PRKAR1B: variants seen among roughly 807,000 people sequenced by gnomAD.
The protein encoded by PRKAR1B is cAMP-dependent protein kinase type I-beta regulatory subunit.
Under a neutral mutation model 46.5 loss-of-function variants are expected in PRKAR1B, and 22 were observed. That is an observed-to-expected ratio of 0.47 (90% CI 0.34 to 0.68). The LOEUF is 0.68. Among genes scored for constraint, PRKAR1B ranks in the 30% least tolerant of loss-of-function variants. The pLI, the probability that PRKAR1B is intolerant of heterozygous loss-of-function variation, is 0.01. For synonymous variants in PRKAR1B, 259 were observed against 217.7 expected (o/e 1.19, Z -1.67); for missense variants, 445 against 535.6 (o/e 0.83, Z 1.67).
chr7:616,477 G>C (rs1782830160), intron 4 of PRKAR1B, among the ~76,000 whole-genome samples: 1 of 152,256 alleles, frequency 6.6e-6, no homozygotes, highest in Admixed American at 6.5e-5. Context: ...ATGGAGCCCA[G>C]GGTCTCTCCG....
intron 2 of PRKAR1B, among the ~76,000 whole-genome samples, chr7:695,102 A>G (rs920194763): frequency 6.6e-6 from 1 of 151,870 alleles, no homozygotes; most frequent in East Asian, 1.9e-4. Context: ...TGTAGTCGGG[A>G]CAGAAGTCGG....
intron 2 of PRKAR1B, among the ~76,000 whole-genome samples, chr7:681,550 GTTTA>G (rs1778686684): frequency 6.6e-6 from 1 of 152,196 alleles, no homozygotes; most frequent in Non-Finnish European, 1.5e-5. Flanking sequence ...CTGGTGTGGG[GTTTA>G]TGGAGGCTGA....
intron 2 of PRKAR1B, among the ~76,000 whole-genome samples, chr7:695,003 C>A (rs1419083309): frequency 6.7e-6 from 1 of 149,850 alleles, no homozygotes; most frequent in Non-Finnish European, 1.5e-5. Context: ...TGCACTCCAG[C>A]CTGGGGGACA....
chr7:699,795 G>A (rs989619287), intron 2 of PRKAR1B, among the ~76,000 whole-genome samples: 5 of 152,202 alleles, frequency 3.3e-5, no homozygotes, highest in Non-Finnish European at 5.9e-5. Context: ...CGTGAGGCAG[G>A]AAGGAGCTTA....
intron 7 of PRKAR1B, among the ~76,000 whole-genome samples, chr7:591,178 G>T (rs1437433974): frequency 6.6e-6 from 1 of 152,226 alleles, no homozygotes; most frequent in Non-Finnish European, 1.5e-5. Flanking sequence ...GGCCCCCGGG[G>T]GAGGGCCCGG....
At chr7:583,408 GCACACC>G (rs879899046) in intron 8 of PRKAR1B, among the ~76,000 whole-genome samples, 15 of 58,234 alleles carry the variant, frequency 2.6e-4, no homozygotes, top group South Asian at 6.7e-4. Flanking sequence ...CCACACGTGT[GCACACC>G]CACGCACACA....
At chr7:688,095 CAAAAAAAAAAA>C (rs762256783) in intron 2 of PRKAR1B, among the ~76,000 whole-genome samples, 1 of 34,056 alleles carries the variant, frequency 2.9e-5, no homozygotes, top group Non-Finnish European at 5.3e-5. Context: ...CACTCCACCT[CAAAAAAAAAAA>C]AAAAAAAAAA....
intron 4 of PRKAR1B, among the ~76,000 whole-genome samples, chr7:663,085 T>C (rs538143288): frequency 6.8e-6 from 1 of 146,742 alleles, no homozygotes; most frequent in African/African-American, 2.5e-5. Context: ...CCCTTGTGGA[T>C]GTGGCTGAAG....
intron 2 of PRKAR1B, among the ~76,000 whole-genome samples, chr7:687,389 C>A (rs116389716): frequency 1.3e-5 from 2 of 151,894 alleles, no homozygotes; most frequent in Non-Finnish European, 2.9e-5. Flanking sequence ...CTATAAGGCA[C>A]GTGGAAATGC....
rs539721796 is a variant in PRKAR1B, at chr7:602,350, G to A, written c.549+3843C>T. ...GGGAGATGCCTCACTGAGTCCAGAG[G>A]TCGAGGGGTGGGTGGGGATTCTGCG... On this transcript the variant is annotated intron_variant, in intron 6 of 10. Coordinates refer to ENST00000537384, the MANE Select transcript of PRKAR1B (RefSeq NM_001164760.2). This position sits in a 1 kb window ranked among gnomAD's most constrained non-coding sequence, Gnocchi z 6.4. Among the ~76,000 whole-genome samples, 3 of 152,268 alleles carry A rather than the reference G, an allele frequency of 2.0e-5. No homozygotes were observed. Among genetic ancestry groups the A allele is most frequent in the African/African-American group, 7.2e-5 (3 of 41,552 alleles).
At chr7:687,873 A>T (rs1049664890) in intron 2 of PRKAR1B, among the ~76,000 whole-genome samples, 2 of 152,144 alleles carry the variant, frequency 1.3e-5, no homozygotes, top group Non-Finnish European at 2.9e-5. Context: ...AGGCAGGCGG[A>T]TCACCTGAGG....
intron 9 of PRKAR1B, among the ~76,000 whole-genome samples, chr7:558,687 G>A (rs938017038): frequency 6.6e-6 from 1 of 152,128 alleles, no homozygotes; most frequent in Admixed American, 6.5e-5. Flanking sequence ...GAGAGGGGGA[G>A]GTTGCAGTGA....
chr7:691,549 C>A, intron 2 of PRKAR1B: 11 of 1,304,482 alleles, frequency 8.4e-6, no homozygotes, highest in Non-Finnish European at 1.1e-5. Context: ...CCAGTGGATC[C>A]ATGTCCACAC....
At chr7:566,403 T>TTCACCATCTCAGCACC (rs1583213206) in intron 9 of PRKAR1B, among the ~76,000 whole-genome samples, 5 of 3,188 alleles carry the variant, frequency 1.6e-3, no homozygotes, top group Admixed American at 3.5e-3. Context: ...TCACCACCAC[T>TTCACCATCTCAGCACC]TCCACCATCA....
rs9771063 is a variant in PRKAR1B, at chr7:600,022, A to G, written c.550-3718T>C. Among the ~76,000 whole-genome samples the G allele has an allele frequency of 6.2e-3, 890 of 142,636 alleles. 2 individuals carry two copies. Among genetic ancestry groups the G allele is most frequent in the African/African-American group, 0.026 (834 of 32,590 alleles). The allele number at this position is 142,636 out of a possible 152,430, so 93.6% of individuals were successfully genotyped here. On this transcript the variant is annotated intron_variant, in intron 6 of 10. Transcript: ENST00000537384. The stretch of plus-strand genomic sequence containing the variant: ...TCTGTGTTTAGAAGTCAATGGTGGG[A>G]CAGGGGTGCCAGGAGCTGGGGGAGG...
Position 579,518 on chromosome 7 carries a change from G to A in PRKAR1B, c.770-141C>T, listed in dbSNP as rs894964509. 28 of 1,137,204 alleles carry A rather than the reference G, an allele frequency of 2.5e-5. No homozygotes were observed. In the Admixed American group the frequency reaches 4.0e-4, roughly 16 times the overall value. 70.4% of individuals were successfully genotyped at this position (1,137,204 alleles called of 1,614,324 possible). A position where few individuals can be genotyped will look rare whatever the true frequency, so the allele number is the denominator to read the frequency against. On this transcript the variant is annotated intron_variant, in intron 8 of 10. Coordinates refer to ENST00000537384, the MANE Select transcript of PRKAR1B (RefSeq NM_001164760.2). ...GCTCCGTGACCAGTAAGCTGCATAA[G>A]ATGAGGCCGTGACGCTGTCCCCCAG...
chr7:705,103 C>T (rs1298234592), intron 2 of PRKAR1B, among the ~76,000 whole-genome samples: 1 of 151,886 alleles, frequency 6.6e-6, no homozygotes, highest in Non-Finnish European at 1.5e-5. Flanking sequence ...ACCAACCTGG[C>T]CAACATGGTG....
rs544050308 is a variant in PRKAR1B, at chr7:610,207, C to T, written c.441-2755G>A. Among the ~76,000 whole-genome samples the T allele has an allele frequency of 3.3e-5, 5 of 152,308 alleles. No individual in the cohort carries two copies. In the East Asian group the frequency reaches 5.8e-4, roughly 18 times the overall value. ...TCAATGTGGCTGCACCCCAGTGACTCGAGGCTCACGTTCCACTCACGTGCT... is the reference window on the plus strand; with the variant it reads ...TCAATGTGGCTGCACCCCAGTGACTTGAGGCTCACGTTCCACTCACGTGCT... On this transcript the variant is annotated intron_variant, in intron 4 of 10. Coordinates refer to ENST00000537384, the MANE Select transcript of PRKAR1B (RefSeq NM_001164760.2).
chr7:698,238 C>G (rs903273410), intron 2 of PRKAR1B, among the ~76,000 whole-genome samples: 4 of 151,546 alleles, frequency 2.6e-5, no homozygotes, highest in African/African-American at 9.7e-5. Flanking sequence ...GACCTCATCT[C>G]TATAAAAATA....
Sources: allele counts gnomAD v4.1 joint callset (sites outside exome capture counted in the v4.1 genomes callset), GRCh38; gene constraint gnomAD v4.1.1; non-coding constraint Gnocchi (gnomAD v3.1); transcripts MANE v1.5; gene names NCBI Gene and HGNC (gene_info 2026-07-23, HGNC 2026-07-21).